CNTNAP5: variants seen among roughly 807,000 people sequenced by gnomAD.
CNTNAP5 encodes contactin-associated protein-like 5.
A neutral mutation model predicts 150.2 loss-of-function variants in CNTNAP5; 72 were observed. The observed-to-expected ratio is 0.48, with a 90% CI of 0.40 to 0.58. The LOEUF (loss-of-function observed/expected upper bound fraction) is 0.58, where lower values mean the gene tolerates loss of function less well. CNTNAP5 is among the 20% of genes least tolerant of loss of function. The probability of loss-of-function intolerance (pLI) is 0.00; values close to 1 mark genes in which losing one functional copy is unlikely to be tolerated. For synonymous variants in CNTNAP5, 672 were observed against 619.8 expected (o/e 1.08, Z -1.25); for missense variants, 1,636 against 1,626.2 (o/e 1.01, Z -0.10).
intron 19 of CNTNAP5, among the ~76,000 whole-genome samples, chr2:124,813,833 C>T (rs1682291778): frequency 6.6e-6 from 1 of 152,000 alleles, no homozygotes; most frequent in Non-Finnish European, 1.5e-5. Context: ...GCTGCTTCCA[C>T]AGTCTCTTTA....
chr2:124,821,259 G>A (rs950018401), intron 19 of CNTNAP5, among the ~76,000 whole-genome samples: 4 of 152,160 alleles, frequency 2.6e-5, no homozygotes, highest in African/African-American at 4.8e-5. Flanking sequence ...AAAAGAGCCT[G>A]ACCTAGATCT....
intron 19 of CNTNAP5, among the ~76,000 whole-genome samples, chr2:124,819,252 G>C (rs966192406): frequency 4.6e-5 from 7 of 152,240 alleles, no homozygotes; most frequent in African/African-American, 1.7e-4. Flanking sequence ...TTGTAGCTAG[G>C]ATGGAGTTTA....
chr2:124,436,321 T>A (rs759213406), intron 5 of CNTNAP5, among the ~76,000 whole-genome samples: 2 of 152,194 alleles, frequency 1.3e-5, no homozygotes, highest in Non-Finnish European at 2.9e-5. Flanking sequence ...ACATTCATGG[T>A]GTGAATGGTA....
chr2:124,391,091 G>T (rs1342218112), intron 3 of CNTNAP5, among the ~76,000 whole-genome samples: 1 of 152,138 alleles, frequency 6.6e-6, no homozygotes. Flanking sequence ...TGGACAAGTC[G>T]TTTGAACTCC....
intron 2 of CNTNAP5, among the ~76,000 whole-genome samples, chr2:124,236,117 C>T (rs997384579): frequency 1.3e-5 from 2 of 152,150 alleles, no homozygotes; most frequent in African/African-American, 4.8e-5. Context: ...AGGCACACAT[C>T]ACCATGCCCT....
At chr2:124,779,442 T>C (rs1463341453) in intron 17 of CNTNAP5, among the ~76,000 whole-genome samples, 1 of 152,192 alleles carries the variant, frequency 6.6e-6, no homozygotes, top group East Asian at 1.9e-4. Flanking sequence ...CTTAACTCCA[T>C]CACAGAACTT....
chr2:124,314,340 A>G (rs1688907547), intron 3 of CNTNAP5, among the ~76,000 whole-genome samples: 1 of 152,212 alleles, frequency 6.6e-6, no homozygotes, highest in Non-Finnish European at 1.5e-5. Flanking sequence ...TGCCAAAGCC[A>G]GTAAGAAAAG....
chr2:124,795,185 G>A (rs1223915891), intron 18 of CNTNAP5, among the ~76,000 whole-genome samples: 1 of 152,098 alleles, frequency 6.6e-6, no homozygotes, highest in Non-Finnish European at 1.5e-5. Flanking sequence ...TCCCAAGACT[G>A]AATTCATCCT....
chr2:124,565,788 A>G (rs1409956192), intron 11 of CNTNAP5, among the ~76,000 whole-genome samples: 3 of 151,662 alleles, frequency 2.0e-5, no homozygotes, highest in Admixed American at 6.6e-5. Flanking sequence ...TTTAGTAGAG[A>G]CGGGGTTTCA....
intron 1 of CNTNAP5, among the ~76,000 whole-genome samples, chr2:124,116,718 T>G (rs1683438072): frequency 6.6e-6 from 1 of 152,232 alleles, no homozygotes; most frequent in South Asian, 2.1e-4. Flanking sequence ...TGTCTATTAG[T>G]AATTTCCATA....
chr2:124,913,741 A>G (rs1678704330), intron 23 of CNTNAP5, among the ~76,000 whole-genome samples: 1 of 152,104 alleles, frequency 6.6e-6, no homozygotes, highest in African/African-American at 2.4e-5. Flanking sequence ...GGCTAATTAC[A>G]AATGATTCTG....
intron 11 of CNTNAP5, among the ~76,000 whole-genome samples, chr2:124,568,222 TGA>T (rs1451444943): frequency 1.3e-5 from 2 of 152,168 alleles, no homozygotes; most frequent in African/African-American, 4.8e-5. Flanking sequence ...TCTAGAAGAC[TGA>T]GAGATGAGAA....
intron 6 of CNTNAP5, among the ~76,000 whole-genome samples, chr2:124,452,711 T>A (rs150430977): frequency 1.3e-5 from 2 of 152,184 alleles, no homozygotes; most frequent in African/African-American, 4.8e-5. Flanking sequence ...TTCTGTGTAG[T>A]CAACCCGCAG....
rs1305243518 is a variant in CNTNAP5 at position 124,234,014 on chromosome 2, G to GA, written c.188-8178dup. Among the ~76,000 whole-genome samples, 10 of 151,774 alleles carry GA rather than the reference G, an allele frequency of 6.6e-5. No individual in the cohort carries two copies. In the East Asian group the frequency reaches 1.5e-3, roughly 24 times the overall value. On this transcript the variant is annotated intron_variant, in intron 2 of 23. Coordinates refer to ENST00000682447, the MANE Select transcript of CNTNAP5 (RefSeq NM_001367498.1). The stretch of plus-strand genomic sequence containing the variant: ...TGCATAAAGTATATACTGCTCATGA[G>GA]AAAAAAAATGTAAGTGGTAATGTCA...
Position 124,379,761 on chromosome 2 carries a change from T to A in CNTNAP5, c.382-37682T>A, listed in dbSNP as rs1049739934. 2.6e-5 allele frequency among the ~76,000 whole-genome samples: 4 copies of A among 152,274 alleles called. No individual in the cohort carries two copies. In the East Asian group the frequency reaches 7.8e-4, roughly 30 times the overall value. Reference sequence around the variant, plus strand: ...GTAACCAGCCCTGGGATTTTGCTCCTGTCAGTGGTAACTGCAGCTGCCTGA... The same window carrying A: ...GTAACCAGCCCTGGGATTTTGCTCCAGTCAGTGGTAACTGCAGCTGCCTGA... On this transcript the variant is annotated intron_variant, in intron 3 of 23. Transcript: ENST00000682447.
intron 1 of CNTNAP5, among the ~76,000 whole-genome samples, chr2:124,049,931 C>T (rs1237488945): frequency 2.0e-5 from 3 of 152,090 alleles, no homozygotes; most frequent in Non-Finnish European, 4.4e-5. Flanking sequence ...AGCGAGAAAG[C>T]TCTCTGGGGT....
chr2:124,720,613 G>A (rs1385160817), intron 13 of CNTNAP5, among the ~76,000 whole-genome samples: 2 of 152,192 alleles, frequency 1.3e-5, no homozygotes, highest in Non-Finnish European at 2.9e-5. Flanking sequence ...TTTTAGTAGA[G>A]TTAGGCATGG....
intron 1 of CNTNAP5, among the ~76,000 whole-genome samples, chr2:124,215,671 G>A (rs1314632139): frequency 7.5e-6 from 1 of 132,838 alleles, no homozygotes. Context: ...GGTGGGTAGG[G>A]TTTATCTAGG....
intron 7 of CNTNAP5, among the ~76,000 whole-genome samples, chr2:124,491,431 T>TTA (rs1185215782): frequency 8.4e-6 from 1 of 119,134 alleles, no homozygotes; most frequent in Admixed American, 1.0e-4. Flanking sequence ...GTATGTGTGT[T>TTA]TATATATATA....
Sources: allele counts gnomAD v4.1 joint callset (sites outside exome capture counted in the v4.1 genomes callset), GRCh38; gene constraint gnomAD v4.1.1; transcripts MANE v1.5; gene names NCBI Gene and HGNC (gene_info 2026-07-23, HGNC 2026-07-21).